The following FAAP20 variants were observed in gnomAD, a reference collection of about 807,000 sequenced individuals.
FAAP20 encodes the protein Fanconi anemia core complex-associated protein 20.
In FAAP20, 12 loss-of-function variants were observed where a neutral mutation model predicts 16.2. The observed-to-expected ratio is 0.74, with a 90% CI of 0.48 to 1.20. FAAP20 has a LOEUF of 1.20. Among genes scored for constraint, FAAP20 ranks in the 50% most tolerant of loss-of-function variants. The pLI, the probability that FAAP20 is intolerant of heterozygous loss-of-function variation, is 0.00. For missense variants in FAAP20, 288 were observed against 245.8 expected, an observed-to-expected ratio of 1.17 and a Z score of -1.15; for synonymous variants, 141 against 110.7, an observed-to-expected ratio of 1.27 and a Z score of -1.72.
chr1:2,193,269 C>T (rs900555460), intron 3 of FAAP20: 17 of 401,100 alleles, frequency 4.2e-5, no homozygotes, highest in African/African-American at 3.0e-4. Flanking sequence ...ACAAAAAAGA[C>T]GATCTTCATT....
upstream of FAAP20, chr1:2,198,929 T>C (rs899709719): frequency 3.1e-6 from 4 of 1,289,570 alleles, no homozygotes; most frequent in Non-Finnish European, 4.0e-6. Context: ...TGAGAGACAG[T>C]TGCCTGGGAA....
chr1:2,190,143 G>A (rs1205171447), intron 3 of FAAP20: 2 of 507,610 alleles, frequency 3.9e-6, no homozygotes, highest in African/African-American at 1.9e-5. Flanking sequence ...AGGACGGCGG[G>A]TGGCCTGCCA....
chr1:2,210,990 C>T (rs1689419362), downstream of FAAP20, among the ~76,000 whole-genome samples: 1 of 152,190 alleles, frequency 6.6e-6, no homozygotes, highest in African/African-American at 2.4e-5. Context: ...GGGGCCGGGC[C>T]CTGCAGCGCC....
upstream of FAAP20, among the ~76,000 whole-genome samples, chr1:2,195,943 C>T (rs920302866): frequency 5.9e-5 from 9 of 152,172 alleles, no homozygotes; most frequent in African/African-American, 1.4e-4. Flanking sequence ...GGAGATGCAG[C>T]GCTGAGTGCT....
chr1:2,212,527 C>T lies in FAAP20; in HGVS notation n.26+22G>A, dbSNP rs1216606065. The T allele has an allele frequency of 5.0e-5, 8 of 161,218 alleles. No homozygotes were observed. In the South Asian group the frequency reaches 1.0e-3, roughly 20 times the overall value. 10.0% of individuals were successfully genotyped at this position (161,218 alleles called of 1,614,324 possible). A position where few individuals can be genotyped will look rare whatever the true frequency, so the allele number is the denominator to read the frequency against. On this transcript the variant is annotated intron_variant and non_coding_transcript_variant, in intron 1 of 1. Transcript: ENST00000420964. The stretch of plus-strand genomic sequence containing the variant: ...AGCCCTGCAGCCCCCCCACCCCCAC[C>T]CCCGGCCCCAGGCAGCAGTACCTCC...
In FAAP20 at chr1:2,194,112, C is replaced by A; in HGVS notation, c.84G>T (p.Trp28Cys). The stretch of plus-strand genomic sequence containing the variant: ...CCCGCTCATCACCCCCCAGGAGAAA[C>A]CAGGGGCGGCCGCCAGAAGGCCTGG... The part of the protein sequence containing the change: ...PAGGPSGGRP[W>C]FLLGGDERER... Residue 28 changes from tryptophan (W) to cysteine (C), a missense_variant, in exon 2 of 4, where the codon TGG becomes TGT. Coordinates refer to ENST00000378546, the MANE Select transcript of FAAP20 (RefSeq NM_182533.4). The A allele has an allele frequency of 6.2e-7, 1 of 1,612,222 alleles. No homozygotes were observed. The highest frequency in any genetic ancestry group is 1.1e-5 in the South Asian group (1 of 91,048).
upstream of FAAP20, chr1:2,198,624 C>T (rs924862475): frequency 2.4e-5 from 28 of 1,185,234 alleles, no homozygotes; most frequent in Non-Finnish European, 2.8e-5. Context: ...CGTGCACCCT[C>T]CCAATTTCCA....
chr1:2,188,743 C>T (rs1011433189), downstream of FAAP20, among the ~76,000 whole-genome samples: 136 of 152,326 alleles, frequency 8.9e-4, no homozygotes, highest in African/African-American at 3.1e-3. Context: ...CGGTGGCTCA[C>T]GCCTGTAATC....
At chr1:2,204,648 TCCCACTGCCCCTGAC>T (rs1689168807), upstream of FAAP20, among the ~76,000 whole-genome samples, 1 of 151,388 alleles carries the variant, frequency 6.6e-6, no homozygotes, top group Non-Finnish European at 1.5e-5. Flanking sequence ...GTGGATTCCC[TCCCACTGCCCCTGAC>T]CCCACTGCCC....
At chr1:2,206,975 G>A (rs1689282013) in intron 1 of FAAP20, among the ~76,000 whole-genome samples, 1 of 152,186 alleles carries the variant, frequency 6.6e-6, no homozygotes, top group African/African-American at 2.4e-5. Context: ...GAGGAGGGGA[G>A]ACTTGCCCAG....
downstream of FAAP20, among the ~76,000 whole-genome samples, chr1:2,210,238 G>A (rs938535538): frequency 2.0e-5 from 3 of 152,232 alleles, no homozygotes; most frequent in African/African-American, 7.2e-5. Context: ...AAGCGGGAGG[G>A]TAGGAATGTG....
At chr1:2,187,159 C>T, downstream of FAAP20, 1 of 471,378 alleles carries the variant, frequency 2.1e-6, no homozygotes, top group South Asian at 1.6e-5. Context: ...GGATGACACT[C>T]ACCCTTGACT....
At chr1:2,185,088 C>T, downstream of FAAP20, 2 of 1,361,408 alleles carry the variant, frequency 1.5e-6, no homozygotes, top group Non-Finnish European at 2.0e-6. Context: ...GCATGCCAGG[C>T]TGGGCACGGC....
rs913608110 is a variant in FAAP20 at position 2,190,586 on chromosome 1, G to A, written c.471-805C>T. ...CTGGAAGCCAGGACAGTTGACTTCC[G>A]GCCATGACTCCCGGAGAGTGCCGGA... On this transcript the variant is annotated intron_variant, in intron 3 of 3. Coordinates refer to ENST00000378546, the MANE Select transcript of FAAP20 (RefSeq NM_182533.4). 15 of 363,788 alleles carry A rather than the reference G, an allele frequency of 4.1e-5. 1 individual carries two copies. The highest frequency in any genetic ancestry group is 1.2e-4 in the South Asian group (6 of 51,262). 22.5% of individuals were successfully genotyped at this position (363,788 alleles called of 1,614,324 possible). A position where few individuals can be genotyped will look rare whatever the true frequency, so the allele number is the denominator to read the frequency against.
upstream of FAAP20, chr1:2,199,269 C>T (rs909302605): frequency 1.8e-6 from 2 of 1,098,750 alleles, no homozygotes; most frequent in Non-Finnish European, 2.2e-6. This position sits in a 1 kb window ranked among gnomAD's most constrained non-coding sequence, Gnocchi z 4.5. Flanking sequence ...TCACACCCTC[C>T]CACAGCCTGT....
rs1447798335 is a variant in FAAP20 at position 2,192,988 on chromosome 1, G to C, written c.470+651C>G. On this transcript the variant is annotated intron_variant, in intron 3 of 3. Transcript: ENST00000378546. ...GCTGTTTTTGCTTCTGGAAGACCAG[G>C]GGCATCAGGCATGACTGAAGGACCT... The C allele has an allele frequency of 7.7e-7, 1 of 1,303,834 alleles. No individual in the cohort carries two copies. Among genetic ancestry groups the C allele is most frequent in the African/African-American group, 1.5e-5 (1 of 65,852 alleles). The allele number at this position is 1,303,834 out of a possible 1,614,324, so 80.8% of individuals were successfully genotyped here.
At chr1:2,192,958 C>T (rs1385004562) in intron 3 of FAAP20, 1 of 1,304,036 alleles carries the variant, frequency 7.7e-7, no homozygotes, top group African/African-American at 1.5e-5. Context: ...CCTTCGCATT[C>T]CCGAGCTGTT....
At chr1:2,185,572 G>T, downstream of FAAP20, 1 of 708,052 alleles carries the variant, frequency 1.4e-6, no homozygotes, top group South Asian at 1.5e-5. Context: ...AGTTCCTGTT[G>T]TTCTTCCTGC....
upstream of FAAP20, among the ~76,000 whole-genome samples, chr1:2,204,468 C>G (rs1321584602): frequency 6.6e-6 from 1 of 152,222 alleles, no homozygotes; most frequent in Non-Finnish European, 1.5e-5. Flanking sequence ...TTGGGAGGAC[C>G]AGGAAAAAGC....
Sources: allele counts gnomAD v4.1 joint callset (sites outside exome capture counted in the v4.1 genomes callset), GRCh38; gene constraint gnomAD v4.1.1; non-coding constraint Gnocchi (gnomAD v3.1); transcripts MANE v1.5; gene names NCBI Gene and HGNC (gene_info 2026-07-23, HGNC 2026-07-21).